Variants in SGK1 observed in about 807,000 individuals in gnomAD.
SGK1 encodes the protein serum/glucocorticoid regulated kinase 1.
In SGK1, 26 loss-of-function variants were observed where a neutral mutation model predicts 64.2. The observed-to-expected ratio is 0.40, with a 90% CI of 0.30 to 0.56. The LOEUF (loss-of-function observed/expected upper bound fraction) is 0.56, where lower values mean the gene tolerates loss of function less well. SGK1 is among the 20% of genes least tolerant of loss of function. SGK1 has a pLI of 0.38. For synonymous variants in SGK1, 265 were observed against 239.7 expected (o/e 1.11, Z -0.98); for missense variants, 519 against 645.6 (o/e 0.80, Z 2.12).
intron 3 of SGK1, chr6:134,175,808 G>T: frequency 1.6e-6 from 2 of 1,283,692 alleles, no homozygotes; most frequent in East Asian, 3.1e-5. Flanking sequence ...CGGTCGGGTC[G>T]CTTCCGAAAA....
At chr6:134,175,856 T>A in intron 3 of SGK1, 1 of 1,231,304 alleles carries the variant, frequency 8.1e-7, no homozygotes, top group Non-Finnish European at 1.0e-6. Context: ...CAAGCAAGGC[T>A]GAAAAATCCC....
intron 1 of SGK1, among the ~76,000 whole-genome samples, chr6:134,288,396 G>A (rs1777216631): frequency 6.6e-6 from 1 of 152,198 alleles, no homozygotes; most frequent in South Asian, 2.1e-4. Context: ...GGTTGAAGCA[G>A]AAGCTCTTTT....
chr6:134,175,818 ACG>A, intron 3 of SGK1: 1 of 1,272,034 alleles, frequency 7.9e-7, no homozygotes, highest in Non-Finnish European at 9.9e-7. Flanking sequence ...GCTTCCGAAA[ACG>A]CCTTTTTTGT....
chr6:134,200,679 G>A (rs1407316496), intron 3 of SGK1, among the ~76,000 whole-genome samples: 2 of 152,186 alleles, frequency 1.3e-5, no homozygotes, highest in East Asian at 3.9e-4. Flanking sequence ...CAAGGCAGGT[G>A]GATCACTTGG....
chr6:134,170,939 A>C (rs756088708), intron 12 of SGK1, 24 bp from the exon 13 acceptor site: 1 of 1,607,930 alleles, frequency 6.2e-7, no homozygotes, highest in South Asian at 1.1e-5. Context: ...ACCCAAGATT[A>C]ATTTAGACAG....
chr6:134,216,402 T>C (rs1775985123), intron 2 of SGK1, among the ~76,000 whole-genome samples: 1 of 152,222 alleles, frequency 6.6e-6, no homozygotes. Flanking sequence ...GCTTCTCAAA[T>C]TGCTTTAGTG....
At chr6:134,175,812 C>T (rs959977401) in intron 3 of SGK1, 2 of 1,277,692 alleles carry the variant, frequency 1.6e-6, no homozygotes, top group African/African-American at 1.6e-5. Context: ...CGGGTCGCTT[C>T]CGAAAACGCC....
chr6:134,254,119 T>C (rs911475859), intron 2 of SGK1, among the ~76,000 whole-genome samples: 6 of 148,786 alleles, frequency 4.0e-5, no homozygotes, highest in Non-Finnish European at 8.9e-5. Flanking sequence ...CTCTCCTTTT[T>C]TTTTTTTTCA....
At position 134,271,795 on chromosome 6, in the gene SGK1, G is replaced by C. The variant is rs958512646; in HGVS notation, c.70-9647C>G. Among the ~76,000 whole-genome samples, 5 of 147,632 alleles carry C rather than the reference G, an allele frequency of 3.4e-5. 2 individuals are homozygous for C. The highest frequency in any genetic ancestry group is 7.5e-5 in the Non-Finnish European group (5 of 66,688). On this transcript the variant is annotated intron_variant, in intron 1 of 13. Coordinates refer to ENST00000367858, the MANE Select transcript of SGK1 (RefSeq NM_001143676.3). ...CACCCTCCAGTAGACCCCAGTATCTGTTGTTTCCTTCTTTGTATTCATGTA... is the reference window on the plus strand; with the variant it reads ...CACCCTCCAGTAGACCCCAGTATCTCTTGTTTCCTTCTTTGTATTCATGTA...
At chr6:134,230,683 G>T (rs1776263887) in intron 2 of SGK1, among the ~76,000 whole-genome samples, 1 of 152,160 alleles carries the variant, frequency 6.6e-6, no homozygotes, top group African/African-American at 2.4e-5. Context: ...GTTCAGGTGG[G>T]AACAAAAAGC....
intron 3 of SGK1, among the ~76,000 whole-genome samples, chr6:134,185,937 A>T (rs1452092291): frequency 6.6e-6 from 1 of 152,060 alleles, no homozygotes; most frequent in Admixed American, 6.6e-5. Context: ...TAGGCTCCCA[A>T]GCGATTGGAC....
chr6:134,212,709 A>G (rs1027761527), intron 2 of SGK1, among the ~76,000 whole-genome samples: 10 of 152,222 alleles, frequency 6.6e-5, no homozygotes, highest in South Asian at 4.1e-4. Context: ...CCAAGCACCT[A>G]TAAATCTAAC....
At chr6:134,194,648 A>G (rs529092330) in intron 3 of SGK1, among the ~76,000 whole-genome samples, 21 of 150,932 alleles carry the variant, frequency 1.4e-4, no homozygotes, top group Admixed American at 1.3e-3. Flanking sequence ...CAGTCTCCTG[A>G]GTAGCTGGGA....
chr6:134,268,242 A>G lies in SGK1; in HGVS notation c.70-6094T>C, dbSNP rs141330723. ...GTGGCTTTGGGAGCCCTTCATAACAATGGCTGGAGGAGAGCTGCAGCAGCT... is the reference window on the plus strand; with the variant it reads ...GTGGCTTTGGGAGCCCTTCATAACAGTGGCTGGAGGAGAGCTGCAGCAGCT... On this transcript the variant is annotated intron_variant, in intron 1 of 13. Transcript: ENST00000367858. 1.6e-3 allele frequency among the ~76,000 whole-genome samples: 244 copies of G among 152,264 alleles called. 3 individuals carry two copies. The highest frequency in any genetic ancestry group is 5.6e-3 in the African/African-American group (231 of 41,564).
At chr6:134,217,179 G>A (rs1210910390) in intron 2 of SGK1, among the ~76,000 whole-genome samples, 1 of 152,114 alleles carries the variant, frequency 6.6e-6, no homozygotes, top group East Asian at 1.9e-4. Flanking sequence ...GGGTGTGGAG[G>A]GCAGCTAGAA....
chr6:134,316,293 A>C (rs916718966), intron 1 of SGK1, among the ~76,000 whole-genome samples: 8 of 152,128 alleles, frequency 5.3e-5, no homozygotes, highest in African/African-American at 1.9e-4. Context: ...TGTTCTGCGG[A>C]TGAGTTAACT....
chr6:134,175,996 C>A, intron 3 of SGK1: 1 of 1,066,184 alleles, frequency 9.4e-7, no homozygotes, highest in Non-Finnish European at 1.1e-6. Flanking sequence ...ATCTGCATTT[C>A]ACTTTTTTTT....
chr6:134,206,384 T>TATA (rs1157842111), intron 3 of SGK1, among the ~76,000 whole-genome samples: 2 of 3,480 alleles, frequency 5.7e-4, no homozygotes, highest in East Asian at 3.3e-3. Flanking sequence ...TATATATATA[T>TATA]TTTTTTTTTT....
At chr6:134,207,333 A>C in intron 3 of SGK1, 23 bp downstream of exon 3, 2 of 1,475,110 alleles carry the variant, frequency 1.4e-6, no homozygotes, top group Non-Finnish European at 1.9e-6. Flanking sequence ...AACAGGAAAC[A>C]GGTTGTATTT....
Sources: gnomAD v4.1 joint callset for allele counts (sites outside exome capture counted in the v4.1 genomes callset) on GRCh38, gnomAD v4.1.1 for gene constraint, MANE v1.5 for transcripts, NCBI Gene and HGNC (gene_info 2026-07-23, HGNC 2026-07-21) for gene names.